The following CFAP161 variants were observed in gnomAD, a reference collection of about 807,000 sequenced individuals.
CFAP161 encodes cilia- and flagella-associated protein 161.
A neutral mutation model predicts 29.0 loss-of-function variants in CFAP161; 25 were observed. The ratio of observed to expected loss-of-function variants is 0.86; its 90% CI spans 0.63 to 1.20. The LOEUF (loss-of-function observed/expected upper bound fraction) is 1.20, where lower values mean the gene tolerates loss of function less well. Among genes scored for constraint, CFAP161 ranks in the 50% most tolerant of loss-of-function variants. The pLI is 0.00. For synonymous variants in CFAP161, 116 were observed against 137.4 expected (o/e 0.84, Z 1.09); for missense variants, 367 against 371.9 (o/e 0.99, Z 0.11).
Position 81,143,785 on chromosome 15 carries a change from C to T in CFAP161, c.601C>T (p.Gln201Ter), listed in dbSNP as rs1894956948. Residue 201 changes from glutamine to a stop codon, truncating the protein, a stop_gained, in exon 5 of 7, where the codon CAG (glutamine) becomes TAG (stop). Transcript: ENST00000286732. LOFTEE classifies it high-confidence loss of function. ...CTGGCAGGCTGCCTTCCCTGACCCC[C>T]AGTTACGCCTGGAATATGAAGGCTT... The part of the protein sequence containing the change: ...NCWQAAFPDP[Q>*]LRLEYEGFPV... 1.9e-6 allele frequency: 3 copies of T among 1,614,046 alleles called. No individual in the cohort carries two copies. The highest frequency in any genetic ancestry group is 2.2e-5 in the South Asian group (2 of 91,074).
upstream of CFAP161, among the ~76,000 whole-genome samples, chr15:81,132,075 A>T (rs1010665498): frequency 6.6e-6 from 1 of 152,098 alleles, no homozygotes; most frequent in Non-Finnish European, 1.5e-5. Context: ...TCAGGAGTTC[A>T]AGACCAGCCT....
intron 2 of CFAP161, 40 bp from the exon 3 acceptor site, chr15:81,136,476 A>G (rs773177868): frequency 1.0e-5 from 16 of 1,575,528 alleles, no homozygotes; most frequent in Non-Finnish European, 1.4e-5. Flanking sequence ...CTGTTGAGGA[A>G]TTGCATGGTT....
At chr15:81,135,150 T>G (rs1308716851) in intron 1 of CFAP161, 120 bp from the exon 2 acceptor site, 1 of 570,960 alleles carries the variant, frequency 1.8e-6, no homozygotes, top group African/African-American at 1.9e-5. Context: ...CCAATTATGC[T>G]CACATCTCTT....
chr15:81,130,359 C>T (rs1894694581), upstream of CFAP161, among the ~76,000 whole-genome samples: 1 of 152,234 alleles, frequency 6.6e-6, no homozygotes, highest in South Asian at 2.1e-4. Flanking sequence ...CAGCTTTCAG[C>T]CTATCTTGGC....
At position 81,148,770 on chromosome 15, in the gene CFAP161, T is replaced by C. The variant is rs1314055577; in HGVS notation, c.*237T>C. 6 of 374,802 alleles carry C rather than the reference T, an allele frequency of 1.6e-5. No homozygotes were observed. Among genetic ancestry groups the C allele is most frequent in the Non-Finnish European group, 1.9e-5 (4 of 210,452 alleles). The allele number at this position is 374,802 out of a possible 1,614,324, so 23.2% of individuals were successfully genotyped here. A position where few individuals can be genotyped will look rare whatever the true frequency, so the allele number is the denominator to read the frequency against. ...TTGAAAGTGACAAACAATAGCCTTTTGTTGATAAACAAATTCTGAAGAACT... is the reference window on the plus strand; with the variant it reads ...TTGAAAGTGACAAACAATAGCCTTTCGTTGATAAACAAATTCTGAAGAACT... On this transcript the variant is annotated 3_prime_UTR_variant, in exon 7 of 7. Transcript: ENST00000286732.
intron 1 of CFAP161, chr15:81,117,868 T>C (rs1894519237): frequency 2.7e-6 from 1 of 364,440 alleles, no homozygotes; most frequent in South Asian, 3.0e-5. Flanking sequence ...GTCCTTCTCA[T>C]CTTCTCCTTC....
At chr15:81,099,507 A>C (rs961678655) in intron 1 of CFAP161, 5 of 152,240 alleles carry the variant, frequency 3.3e-5, no homozygotes, top group African/African-American at 1.2e-4. Context: ...ATGCCACTGG[A>C]ACTCAGGAGC....
In CFAP161 at chr15:81,140,775, C is replaced by T. The variant is rs551638084; in HGVS notation, c.477+2640C>T. Among the ~76,000 whole-genome samples the T allele has an allele frequency of 7.9e-5, 12 of 152,024 alleles. No homozygotes were observed. In the South Asian group the frequency reaches 1.2e-3, roughly 16 times the overall value. ...ATTTATTTATTTATTTTTGTAGAGA[C>T]GGAGTTTCGCCATGTTGGCCAGGCT... is the stretch of plus-strand genomic sequence containing the variant. On this transcript the variant is annotated intron_variant, in intron 4 of 6. Coordinates refer to ENST00000286732, the MANE Select transcript of CFAP161 (RefSeq NM_173528.4).
chr15:81,144,284 C>T (rs561276871), intron 5 of CFAP161, among the ~76,000 whole-genome samples: 20 of 152,198 alleles, frequency 1.3e-4, no homozygotes, highest in Non-Finnish European at 2.6e-4. Flanking sequence ...CTAAGGCCTC[C>T]GCTAAGTACT....
At chr15:81,144,060 A>G (rs928178504) in intron 5 of CFAP161, among the ~76,000 whole-genome samples, 1 of 151,698 alleles carries the variant, frequency 6.6e-6, no homozygotes, top group African/African-American at 2.4e-5. Context: ...ATGCCTTATG[A>G]CTTTCTGTCT....
chr15:81,120,660 A>G (rs2141868644), intron 1 of CFAP161, among the ~76,000 whole-genome samples: 1 of 152,354 alleles, frequency 6.6e-6, no homozygotes, highest in East Asian at 1.9e-4. Context: ...AGTTATCACC[A>G]GAGCCAAGCA....
At chr15:81,148,204 C>T (rs1895042662) in intron 6 of CFAP161, 134 bp from the exon 7 acceptor site, 3 of 933,672 alleles carry the variant, frequency 3.2e-6, no homozygotes, top group Middle Eastern at 4.8e-4. Context: ...GCAAACATGT[C>T]CCATTTTAGA....
intron 1 of CFAP161, among the ~76,000 whole-genome samples, chr15:81,112,150 A>G (rs920938438): frequency 2.0e-5 from 3 of 152,022 alleles, no homozygotes; most frequent in Non-Finnish European, 2.9e-5. Flanking sequence ...TGAGGCTCAG[A>G]GACAAAAATA....
chr15:81,136,692 C>G lies in CFAP161; in HGVS notation c.336C>G (p.Gly112=). ...HLKDELEVPC[G]LSAVQAKTPI... ...AAGACGAATTAGAGGTACCCTGTGG[C>G]CTGAGCGCAGTTCAAGCCAAGACCC... Residue 112 remains glycine, a synonymous_variant, in exon 3 of 7, where the codon GGC becomes GGG. Transcript: ENST00000286732. 1.9e-6 allele frequency: 3 copies of G among 1,614,088 alleles called. No individual in the cohort carries two copies. The highest frequency in any genetic ancestry group is 2.2e-5 in the South Asian group (2 of 91,068).
At chr15:81,132,018 T>C (rs144068855), upstream of CFAP161, among the ~76,000 whole-genome samples, 262 of 152,318 alleles carry the variant, frequency 1.7e-3, no homozygotes, top group Non-Finnish European at 3.1e-3. Flanking sequence ...GGCTTATGCC[T>C]GTAATCCCAG....
intron 5 of CFAP161, 46 bp downstream of exon 5, chr15:81,143,866 G>T (rs751096053): frequency 1.3e-6 from 2 of 1,581,520 alleles, no homozygotes; most frequent in South Asian, 1.1e-5. Flanking sequence ...CTATGAAATG[G>T]ATGCAATTTA....
chr15:81,105,273 CTTTTTCT>C (rs1447282427), intron 1 of CFAP161, among the ~76,000 whole-genome samples: 5 of 115,984 alleles, frequency 4.3e-5, no homozygotes, highest in African/African-American at 1.8e-4. Flanking sequence ...CTCTTTCTTT[CTTTTTCT>C]TTTTTCCTTC....
At position 81,135,366 on chromosome 15, in the gene CFAP161, T is replaced by TC; in HGVS notation, c.159+7_159+8insC. 1 of 1,413,032 alleles carries TC rather than the reference T, an allele frequency of 7.1e-7. No homozygotes were observed. The allele number at this position is 1,413,032 out of a possible 1,614,324, so 87.5% of individuals were successfully genotyped here. On this transcript the variant is annotated splice_region_variant and intron_variant, in intron 2 of 6. Coordinates refer to ENST00000286732, the MANE Select transcript of CFAP161 (RefSeq NM_173528.4). ...ACAGAATCTCTTGAGACCGGTAACTTTTTTTTTTTTTATTACACTTTAAGT... is the reference window on the plus strand; with the variant it reads ...ACAGAATCTCTTGAGACCGGTAACTTCTTTTTTTTTTTATTACACTTTAAGT...
In CFAP161 at chr15:81,134,328, C is replaced by T; in HGVS notation, c.-2C>T. 1.3e-6 allele frequency: 2 copies of T among 1,585,274 alleles called. No homozygotes were observed. The highest frequency in any genetic ancestry group is 1.2e-5 in the South Asian group (1 of 86,274). ...GGCCCACTTGCTGAACAGCAGGGAG[C>T]GATGGCGCAGAACGTGTATGGTCCG... On this transcript the variant is annotated 5_prime_UTR_variant, in exon 1 of 7. Coordinates refer to ENST00000286732, the MANE Select transcript of CFAP161 (RefSeq NM_173528.4).
Sources: allele counts gnomAD v4.1 joint callset (sites outside exome capture counted in the v4.1 genomes callset), GRCh38; gene constraint gnomAD v4.1.1; transcripts MANE v1.5; gene names NCBI Gene and HGNC (gene_info 2026-07-23, HGNC 2026-07-21).